DPYD: variants seen among roughly 807,000 people sequenced by gnomAD.
DPYD encodes dihydropyrimidine dehydrogenase, also known as dihydropyrimidine dehydrogenase [NADP(+)].
Under a neutral mutation model 116.2 loss-of-function variants are expected in DPYD, and 109 were observed. The ratio of observed to expected loss-of-function variants is 0.94; its 90% CI spans 0.80 to 1.10. The LOEUF is 1.10. Ranked by LOEUF, DPYD falls within the 50% of genes least tolerant of loss-of-function variation. The pLI is 0.00. For synonymous variants in DPYD, 440 were observed against 432.0 expected (o/e 1.02, Z -0.23); for missense variants, 1,302 against 1,254.5 (o/e 1.04, Z -0.57).
chr1:97,413,583 C>A (rs1674128946), intron 14 of DPYD, among the ~76,000 whole-genome samples: 1 of 152,106 alleles, frequency 6.6e-6, no homozygotes, highest in Non-Finnish European at 1.5e-5. Context: ...CCCACTTCAG[C>A]CTCCCAAGTA....
At chr1:97,818,943 T>C (rs1209205223) in intron 3 of DPYD, among the ~76,000 whole-genome samples, 1 of 151,986 alleles carries the variant, frequency 6.6e-6, no homozygotes, top group African/African-American at 2.4e-5. Flanking sequence ...ATTAATCACA[T>C]ACATTACAAA....
chr1:97,254,291 T>A (rs666924), intron 18 of DPYD, among the ~76,000 whole-genome samples: 1 of 151,888 alleles, frequency 6.6e-6, no homozygotes, highest in South Asian at 2.1e-4. Context: ...TATATACTTA[T>A]TTGTATGAAT....
chr1:97,079,235 G>A, intron 22 of DPYD, 89 bp from the exon 23 acceptor site: 1 of 1,398,364 alleles, frequency 7.2e-7, no homozygotes, highest in Non-Finnish European at 1.0e-6. Context: ...CTCTGCTGCA[G>A]AGGAGCCACA....
At chr1:97,305,206 G>T (rs991295537) in intron 18 of DPYD, 53 bp downstream of exon 18, 3 of 1,610,440 alleles carry the variant, frequency 1.9e-6, no homozygotes, top group South Asian at 1.1e-5. Flanking sequence ...ATGACCTTCT[G>T]ATTTTTCAGC....
intron 18 of DPYD, among the ~76,000 whole-genome samples, chr1:97,256,136 T>C (rs939555207): frequency 6.6e-6 from 1 of 152,158 alleles, no homozygotes; most frequent in African/African-American, 2.4e-5. Context: ...TGGGAACGTC[T>C]GACAGTGACT....
intron 8 of DPYD, among the ~76,000 whole-genome samples, chr1:97,657,621 C>A (rs1381936365): frequency 6.6e-6 from 1 of 152,132 alleles, no homozygotes; most frequent in Non-Finnish European, 1.5e-5. Context: ...TGTAAATGAA[C>A]AACCATCCAT....
In DPYD at chr1:97,424,149, A is replaced by G. The variant is rs187922924; in HGVS notation, c.1905+25910T>C. ...AAACAAACTACATTAAAAGCTGTTC[A>G]TAAGTTTAATAAAAATGATTATCTT... On this transcript the variant is annotated intron_variant, in intron 14 of 22. Transcript: ENST00000370192. Among the ~76,000 whole-genome samples, 517 of 152,302 alleles carry G rather than the reference A, an allele frequency of 3.4e-3. 3 individuals carry two copies. The highest frequency in any genetic ancestry group is 3.8e-3 in the Non-Finnish European group (258 of 68,026).
chr1:97,175,780 A>G (rs747598279), intron 20 of DPYD, among the ~76,000 whole-genome samples: 2 of 152,224 alleles, frequency 1.3e-5, no homozygotes, highest in African/African-American at 4.8e-5. Context: ...AATCAAGTGC[A>G]TCTCTTATTA....
chr1:97,514,254 A>C, intron 13 of DPYD: 2 of 984,782 alleles, frequency 2.0e-6, no homozygotes, highest in Non-Finnish European at 2.4e-6. Flanking sequence ...AAATCAATGC[A>C]TGTCACCAAC....
intron 19 of DPYD, among the ~76,000 whole-genome samples, chr1:97,224,496 C>T (rs72967839): frequency 0.093 from 14,054 of 151,844 alleles, 750 homozygotes; most frequent in Middle Eastern, 0.13. Flanking sequence ...TACACAGCAA[C>T]ATTTTTTTTC....
chr1:97,528,664 C>G (rs192019905), intron 12 of DPYD, among the ~76,000 whole-genome samples: 1 of 152,106 alleles, frequency 6.6e-6, no homozygotes, highest in Non-Finnish European at 1.5e-5. Flanking sequence ...ATCCATCAAG[C>G]TTGTTAAAAC....
intron 18 of DPYD, among the ~76,000 whole-genome samples, chr1:97,256,854 G>A (rs1482217658): frequency 2.0e-5 from 3 of 152,038 alleles, no homozygotes; most frequent in Middle Eastern, 3.4e-3. Flanking sequence ...TCTGTCAATA[G>A]TTGGAACATA....
At chr1:97,471,594 CTTTTTTT>C (rs368888805) in intron 13 of DPYD, among the ~76,000 whole-genome samples, 2 of 142,584 alleles carry the variant, frequency 1.4e-5, no homozygotes, top group African/African-American at 5.1e-5. Context: ...TCCCACTTTC[CTTTTTTT>C]TTTTTTTGAG....
chr1:97,787,463 A>T (rs1363352639), intron 3 of DPYD, among the ~76,000 whole-genome samples: 1 of 152,220 alleles, frequency 6.6e-6, no homozygotes, highest in South Asian at 2.1e-4. Flanking sequence ...TTCCCCTGCT[A>T]GTCTGTAATA....
chr1:97,203,676 A>ACCCCC (rs1659385949), intron 19 of DPYD, among the ~76,000 whole-genome samples: 1 of 16,394 alleles, frequency 6.1e-5, no homozygotes, highest in African/African-American at 2.9e-4. Context: ...CCCCCCCCCA[A>ACCCCC]AAAAAAAAAA....
intron 13 of DPYD, among the ~76,000 whole-genome samples, chr1:97,499,997 C>T (rs1274860602): frequency 6.6e-6 from 1 of 151,816 alleles, no homozygotes; most frequent in East Asian, 1.9e-4. Context: ...GTGTATGTAC[C>T]TAACATCATC....
chr1:97,661,829 T>C (rs1465280625), intron 8 of DPYD, among the ~76,000 whole-genome samples: 1 of 152,020 alleles, frequency 6.6e-6, no homozygotes, highest in East Asian at 1.9e-4. Flanking sequence ...CCCAATCTAA[T>C]ATTTTTAAGT....
intron 3 of DPYD, among the ~76,000 whole-genome samples, chr1:97,762,757 T>G (rs1172688614): frequency 2.6e-5 from 4 of 152,128 alleles, no homozygotes; most frequent in Non-Finnish European, 5.9e-5. Flanking sequence ...CAATTTGTTT[T>G]AAGCATAGCA....
At position 97,491,046 on chromosome 1, in the gene DPYD, T is replaced by C. The variant is rs1323113243; in HGVS notation, c.1740+24680A>G. Among the ~76,000 whole-genome samples, 3 of 149,230 alleles carry C rather than the reference T, an allele frequency of 2.0e-5. No homozygotes were observed. The East Asian group carries it at 5.8e-4, about 29-fold the overall frequency. ...TTTGCAATTGTATTTCCATCTCTCA[T>C]AAAATGATCTAATGACTTAAAAATA... On this transcript the variant is annotated intron_variant, in intron 13 of 22. Transcript: ENST00000370192.
Sources: allele counts gnomAD v4.1 joint callset (sites outside exome capture counted in the v4.1 genomes callset), GRCh38; gene constraint gnomAD v4.1.1; transcripts MANE v1.5; gene names NCBI Gene and HGNC (gene_info 2026-07-23, HGNC 2026-07-21).